Variants in PC observed in about 807,000 individuals in gnomAD.
PC encodes the protein pyruvate carboxylase, also known as pyruvate carboxylase, mitochondrial.
In PC, 46 loss-of-function variants were observed where a neutral mutation model predicts 107.8. That is an observed-to-expected ratio of 0.43 (90% CI 0.34 to 0.55). PC has a LOEUF of 0.55. Ranked by LOEUF, PC falls within the 20% of genes least tolerant of loss-of-function variation. The pLI is 0.04. For synonymous variants in PC, 662 were observed against 684.7 expected, an observed-to-expected ratio of 0.97 and a Z score of 0.52; for missense variants, 1,241 against 1,643.1, an observed-to-expected ratio of 0.76 and a Z score of 4.23.
At chr11:66,885,703 G>T (rs1308793126) in intron 3 of PC, among the ~76,000 whole-genome samples, 2 of 152,294 alleles carry the variant, frequency 1.3e-5, no homozygotes, top group South Asian at 2.1e-4. Context: ...GCCAAGGACT[G>T]CTGGCAAACA....
chr11:66,933,882 T>A (rs1026875787), intron 3 of PC, among the ~76,000 whole-genome samples: 1 of 152,150 alleles, frequency 6.6e-6, no homozygotes, highest in African/African-American at 2.4e-5. Context: ...GGCTTCTTAT[T>A]GTCTCAAATC....
At chr11:66,898,819 C>A (rs958192782) in intron 3 of PC, among the ~76,000 whole-genome samples, 4 of 152,196 alleles carry the variant, frequency 2.6e-5, no homozygotes, top group Non-Finnish European at 4.4e-5. Context: ...CAGCCCTTGG[C>A]AACCACTCAT....
In PC at chr11:66,852,444, C is replaced by A; in HGVS notation, c.1820G>T (p.Trp607Leu). 6.2e-7 allele frequency: 1 copy of A among 1,613,190 alleles called. No homozygotes were observed. Among genetic ancestry groups the A allele is most frequent in the Non-Finnish European group, 8.5e-7 (1 of 1,179,310 alleles). Reference sequence around the variant, plus strand: ...TGCGCAGCATGCCAGCCTACCTCCCCAGTTCTCCATGCTGAAGAGCTTGCT... The same window carrying A: ...TGCGCAGCATGCCAGCCTACCTCCCAAGTTCTCCATGCTGAAGAGCTTGCT... ...NFSKLFSMEN[W>L]GGATFDVAMR... The change falls in exon 15 of 23, where the codon TGG becomes TTG. Residue 607 changes from tryptophan (W) to leucine (L), a missense_variant. By Grantham distance (61) the Trp-to-Leu change is moderately conservative. Coordinates refer to ENST00000393960, the MANE Select transcript of PC (RefSeq NM_001040716.2). The surrounding 1 kb of genome is among the most constrained non-coding windows in gnomAD (Gnocchi z 4.7).
At chr11:66,950,841 G>A (rs1248029942) in intron 3 of PC, among the ~76,000 whole-genome samples, 4 of 152,050 alleles carry the variant, frequency 2.6e-5, no homozygotes, top group Non-Finnish European at 5.9e-5. Flanking sequence ...GGTTTGGGGG[G>A]AACCTTCCCC....
chr11:66,866,118 A>G lies in PC; in HGVS notation c.1185+69T>C. The G allele has an allele frequency of 6.5e-7, 1 of 1,547,006 alleles. No individual in the cohort carries two copies. Among genetic ancestry groups the G allele is most frequent in the Non-Finnish European group, 8.8e-7 (1 of 1,139,888 alleles). On this transcript the variant is annotated intron_variant, in intron 11 of 22. Transcript: ENST00000393960. The surrounding 1 kb of genome is among the most constrained non-coding windows in gnomAD (Gnocchi z 5.4). ...CCGGGCTGTGGCAACTTGGCACTGC[A>G]GCCCCAGGCACCAGGCAGAACCTGT...
Position 66,866,085 on chromosome 11 carries a change from C to G in PC, c.1185+102G>C. The stretch of plus-strand genomic sequence containing the variant: ...CTTCAGAGCCCACATGCGGGTCCTC[C>G]CTAACTGCCGGGCTGTGGCAACTTG... On this transcript the variant is annotated intron_variant, in intron 11 of 22. Transcript: ENST00000393960. The surrounding 1 kb of genome is among the most constrained non-coding windows in gnomAD (Gnocchi z 5.4). 7.4e-7 allele frequency: 1 copy of G among 1,350,780 alleles called. No individual in the cohort carries two copies. The highest frequency in any genetic ancestry group is 1.3e-5 in the South Asian group (1 of 78,154). The allele number at this position is 1,350,780 out of a possible 1,614,324, so 83.7% of individuals were successfully genotyped here.
At chr11:66,939,406 A>G (rs1329917195) in intron 3 of PC, among the ~76,000 whole-genome samples, 1 of 152,178 alleles carries the variant, frequency 6.6e-6, no homozygotes, top group African/African-American at 2.4e-5. Context: ...ACCAGTCCCC[A>G]GGGGATAGCA....
chr11:66,929,499 T>C (rs1265414455), intron 3 of PC, among the ~76,000 whole-genome samples: 3 of 152,138 alleles, frequency 2.0e-5, no homozygotes, highest in African/African-American at 7.2e-5. Flanking sequence ...CCCAAGTAGC[T>C]GGGACCACAG....
chr11:66,871,202 T>G lies in PC; in HGVS notation c.488-5A>C. On this transcript the variant is annotated splice_polypyrimidine_tract_variant and splice_region_variant and intron_variant, in intron 6 of 22. Coordinates refer to ENST00000393960, the MANE Select transcript of PC (RefSeq NM_001040716.2). The surrounding 1 kb of genome is among the most constrained non-coding windows in gnomAD (Gnocchi z 7.4). ...TGCCAGGGACAACGGGAACACCTGT[T>G]GGGAGAAAGGTGTGGGGGAGTCTCT... 6.2e-7 allele frequency: 1 copy of G among 1,612,950 alleles called. No homozygotes were observed. Among genetic ancestry groups the G allele is most frequent in the Non-Finnish European group, 8.5e-7 (1 of 1,179,188 alleles).
intron 3 of PC, among the ~76,000 whole-genome samples, chr11:66,926,873 G>A (rs78421018): frequency 0.038 from 5,823 of 152,044 alleles, 376 homozygotes; most frequent in African/African-American, 0.13. Flanking sequence ...CCATGTCGTA[G>A]CATGTGTCAG....
chr11:66,880,065 G>A (rs1475869332), intron 3 of PC, among the ~76,000 whole-genome samples: 1 of 152,204 alleles, frequency 6.6e-6, no homozygotes, highest in African/African-American at 2.4e-5. Flanking sequence ...GGGCCCAACA[G>A]ACATAAAGAT....
chr11:66,902,985 A>G (rs988798902), intron 3 of PC, among the ~76,000 whole-genome samples: 3 of 152,230 alleles, frequency 2.0e-5, no homozygotes, highest in Admixed American at 6.5e-5. Context: ...ACACCACCGC[A>G]GCCCATCCAC....
intron 3 of PC, among the ~76,000 whole-genome samples, chr11:66,910,206 G>A (rs1020226253): frequency 6.6e-6 from 1 of 152,098 alleles, no homozygotes; most frequent in Admixed American, 6.6e-5. Flanking sequence ...TGTTAGTCCT[G>A]GGTGACAAAC....
At chr11:66,940,347 C>T (rs1949101026) in intron 3 of PC, among the ~76,000 whole-genome samples, 1 of 151,876 alleles carries the variant, frequency 6.6e-6, no homozygotes, top group African/African-American at 2.4e-5. Context: ...CACACCCGGC[C>T]CCTCTGCCCA....
intron 3 of PC, among the ~76,000 whole-genome samples, chr11:66,880,425 C>T (rs909952877): frequency 8.5e-5 from 13 of 152,192 alleles, no homozygotes; most frequent in Non-Finnish European, 1.5e-5. Context: ...CTCTGCACAG[C>T]ACTTGGGGTA....
rs541856395 is a variant in PC at position 66,907,059 on chromosome 11, C to T, written c.1-34900G>A. On this transcript the variant is annotated intron_variant, in intron 3 of 22. Transcript: ENST00000393960. Reference sequence around the variant, plus strand: ...GGCTGGGGAGCTGGAGCACAGCACACGAAGGGCCGGCTGGTGCTGAACTAT... The same window carrying T: ...GGCTGGGGAGCTGGAGCACAGCACATGAAGGGCCGGCTGGTGCTGAACTAT... Among the ~76,000 whole-genome samples, 17 of 152,318 alleles carry T rather than the reference C, an allele frequency of 1.1e-4. No individual in the cohort carries two copies. The East Asian group carries it at 2.7e-3, about 24-fold the overall frequency.
At position 66,866,367 on chromosome 11, in the gene PC, G is replaced by C. The variant is rs1184786393; in HGVS notation, c.1023-18C>G. 2 of 1,598,182 alleles carry C rather than the reference G, an allele frequency of 1.3e-6. No individual in the cohort carries two copies. The highest frequency in any genetic ancestry group is 8.6e-7 in the Non-Finnish European group (1 of 1,168,248). ...GGTCTACGCTGTAGGGCATTGGGGG[G>C]AGGGGGGAAAGGACGGGAGAAAGGG... On this transcript the variant is annotated intron_variant, in intron 10 of 22. Transcript: ENST00000393960. The surrounding 1 kb of genome is among the most constrained non-coding windows in gnomAD (Gnocchi z 5.4).
intron 3 of PC, among the ~76,000 whole-genome samples, chr11:66,897,073 A>G (rs1179908099): frequency 2.0e-5 from 3 of 152,024 alleles, no homozygotes; most frequent in African/African-American, 7.2e-5. Context: ...CTGGGATTAC[A>G]GGCGCGCACC....
chr11:66,879,426 G>T (rs908322975), intron 3 of PC, among the ~76,000 whole-genome samples: 1 of 152,214 alleles, frequency 6.6e-6, no homozygotes, highest in Non-Finnish European at 1.5e-5. Context: ...AAAGTAGTTG[G>T]GAGTGTCAGG....
Sources: gnomAD v4.1 joint callset for allele counts (sites outside exome capture counted in the v4.1 genomes callset) on GRCh38, gnomAD v4.1.1 for gene constraint, Gnocchi (gnomAD v3.1) non-coding constraint, MANE v1.5 for transcripts, NCBI Gene and HGNC (gene_info 2026-07-23, HGNC 2026-07-21) for gene names.